Variants in VPS13B observed in about 807,000 individuals in gnomAD.
VPS13B encodes intermembrane lipid transfer protein VPS13B.
A neutral mutation model predicts 426.4 loss-of-function variants in VPS13B; 285 were observed. The ratio of observed to expected loss-of-function variants is 0.67; its 90% confidence interval spans 0.61 to 0.74. The LOEUF (loss-of-function observed/expected upper bound fraction) is 0.74, where lower values mean the gene tolerates loss of function less well. VPS13B is among the 30% of genes least tolerant of loss of function. The probability of loss-of-function intolerance (pLI) is 0.00; values close to 1 mark genes in which losing one functional copy is unlikely to be tolerated. For synonymous variants in VPS13B, 1,676 were observed against 1,676.4 expected (o/e 1.00, Z 0.01); for missense variants, 4,537 against 4,782.6 (o/e 0.95, Z 1.51).
chr8:99,646,504 G>A (rs1236443923), intron 34 of VPS13B, among the ~76,000 whole-genome samples: 1 of 152,150 alleles, frequency 6.6e-6, no homozygotes, highest in East Asian at 1.9e-4. Flanking sequence ...CAGCCTGGAT[G>A]ACAGATTGAG....
intron 30 of VPS13B, among the ~76,000 whole-genome samples, chr8:99,538,313 T>G (rs903204956): frequency 6.6e-6 from 1 of 152,218 alleles, no homozygotes; most frequent in Non-Finnish European, 1.5e-5. Context: ...ATGTTTAGGT[T>G]TTTAAATATT....
At chr8:99,154,846 A>G (rs765972837) in intron 14 of VPS13B, among the ~76,000 whole-genome samples, 1 of 152,148 alleles carries the variant, frequency 6.6e-6, no homozygotes, top group African/African-American at 2.4e-5. Context: ...GGAAGATAGC[A>G]TTATCAAAGC....
chr8:99,533,205 C>G (rs1464724635), intron 30 of VPS13B, among the ~76,000 whole-genome samples: 1 of 152,068 alleles, frequency 6.6e-6, no homozygotes, highest in East Asian at 1.9e-4. Flanking sequence ...TCTTAAAGTG[C>G]TAGGATTACA....
intron 43 of VPS13B, among the ~76,000 whole-genome samples, chr8:99,798,688 C>G (rs181636228): frequency 6.6e-6 from 1 of 152,190 alleles, no homozygotes; most frequent in East Asian, 1.9e-4. Flanking sequence ...CTCTTCCTCC[C>G]CTGGCAATAA....
intron 19 of VPS13B, among the ~76,000 whole-genome samples, chr8:99,312,375 A>G (rs1475445422): frequency 6.6e-6 from 1 of 152,104 alleles, no homozygotes; most frequent in African/African-American, 2.4e-5. Flanking sequence ...TGGTGACAAA[A>G]TCTCTCAGCA....
intron 40 of VPS13B, among the ~76,000 whole-genome samples, chr8:99,771,752 C>T (rs1470561065): frequency 6.6e-6 from 1 of 152,164 alleles, no homozygotes; most frequent in Non-Finnish European, 1.5e-5. Context: ...CATTTGGCTA[C>T]TTGGGTCTGC....
At position 99,274,181 on chromosome 8, in the gene VPS13B, C is replaced by T. The variant is rs1198342716; in HGVS notation, c.2516-17C>T. The T allele has an allele frequency of 3.1e-6, 5 of 1,613,938 alleles. No individual in the cohort carries two copies. The highest frequency in any genetic ancestry group is 1.7e-4 in the Middle Eastern group (1 of 6,060). On this transcript the variant is annotated splice_polypyrimidine_tract_variant and intron_variant, in intron 17 of 61. Transcript: ENST00000357162. ...TAAATTCAATCGGCTAGTACATTTG[C>T]AGTTTTCTTTTATTAGGTGTGAAAT...
At chr8:99,772,274 C>T (rs1811539935) in intron 40 of VPS13B, among the ~76,000 whole-genome samples, 1 of 150,172 alleles carries the variant, frequency 6.7e-6, no homozygotes, top group African/African-American at 2.5e-5. Flanking sequence ...GGTTATTTTT[C>T]AAACTACAAA....
intron 39 of VPS13B, among the ~76,000 whole-genome samples, chr8:99,728,491 T>G (rs1227686272): frequency 6.6e-6 from 1 of 152,226 alleles, no homozygotes; most frequent in Non-Finnish European, 1.5e-5. Context: ...CATCATTATC[T>G]TCTTTCCCAT....
intron 17 of VPS13B, among the ~76,000 whole-genome samples, chr8:99,220,878 G>A (rs1249106306): frequency 4.4e-5 from 5 of 112,648 alleles, no homozygotes; most frequent in South Asian, 7.2e-4. Context: ...ATGCTGGTGC[G>A]CTGCACCCAC....
intron 17 of VPS13B, among the ~76,000 whole-genome samples, chr8:99,246,333 A>T (rs1563624176): frequency 6.6e-6 from 1 of 152,138 alleles, no homozygotes; most frequent in Non-Finnish European, 1.5e-5. Flanking sequence ...TCTAATGTGG[A>T]CCCATGGTTG....
At chr8:99,429,103 G>A (rs906414687) in intron 21 of VPS13B, among the ~76,000 whole-genome samples, 3 of 152,106 alleles carry the variant, frequency 2.0e-5, no homozygotes, top group Non-Finnish European at 4.4e-5. Context: ...ACACAGGAAG[G>A]GGAACATCAC....
At chr8:99,101,805 A>G (rs1846766747) in intron 4 of VPS13B, among the ~76,000 whole-genome samples, 1 of 152,230 alleles carries the variant, frequency 6.6e-6, no homozygotes. Context: ...TGTAGGTGTT[A>G]ACAATGTCAG....
intron 6 of VPS13B, among the ~76,000 whole-genome samples, chr8:99,113,572 C>CTTTTTTTTTTTTTTTTTTT (rs902322405): frequency 6.6e-6 from 1 of 151,282 alleles, no homozygotes; most frequent in Non-Finnish European, 1.5e-5. Context: ...TTCTTTTCTT[C>CTTTTTTTTTTTTTTTTTTT]TTTTTTTTTG....
chr8:99,569,678 G>T (rs1825378023), intron 31 of VPS13B, among the ~76,000 whole-genome samples: 1 of 152,144 alleles, frequency 6.6e-6, no homozygotes. Context: ...TAAATATTCT[G>T]AGTCCAAGAA....
At chr8:99,843,400 T>TC (rs2130887349) in intron 54 of VPS13B, among the ~76,000 whole-genome samples, 1 of 152,254 alleles carries the variant, frequency 6.6e-6, no homozygotes, top group South Asian at 2.1e-4. Flanking sequence ...ATTATTTTTT[T>TC]CCCCACACAC....
rs2130343418 is a variant in VPS13B at position 99,720,952 on chromosome 8, C to G, written c.6955C>G (p.Pro2319Ala). ...GATGATGTTATGGAGATATCCAGAACCTAGAGTACTCACCCTTGTACGAAT... is the reference window on the plus strand; with the variant it reads ...GATGATGTTATGGAGATATCCAGAAGCTAGAGTACTCACCCTTGTACGAAT... The part of the protein sequence containing the change: ...PGMMLWRYPE[P>A]RVLTLVRITP... Residue 2319 changes from proline (P) to alanine (A), a missense_variant, in exon 39 of 62, where the codon CCT becomes GCT. Physicochemically the swap from Pro to Ala is conservative, Grantham distance 27 (BLOSUM62 -1). This residue lies in a region of VPS13B where 4,311 missense variants were observed against 4,474.3 expected (regional missense o/e 0.96). Transcript: ENST00000357162. 6.2e-7 allele frequency: 1 copy of G among 1,613,922 alleles called. No individual in the cohort carries two copies.
chr8:99,176,149 T>C (rs1456193016), intron 16 of VPS13B, among the ~76,000 whole-genome samples: 1 of 152,104 alleles, frequency 6.6e-6, no homozygotes, highest in African/African-American at 2.4e-5. Context: ...TTTGTTTTTT[T>C]TTTTTGAGAC....
intron 21 of VPS13B, among the ~76,000 whole-genome samples, chr8:99,420,743 T>C (rs1816322961): frequency 6.6e-6 from 1 of 152,128 alleles, no homozygotes; most frequent in Non-Finnish European, 1.5e-5. Flanking sequence ...CCATGAAGAA[T>C]GTTACGTTAT....
Sources: allele counts gnomAD v4.1 joint callset (sites outside exome capture counted in the v4.1 genomes callset), GRCh38; gene constraint gnomAD v4.1.1; regional missense constraint gnomAD v4.1.1; transcripts MANE v1.5; gene names NCBI Gene and HGNC (gene_info 2026-07-23, HGNC 2026-07-21).